TMPRSS15: variants seen among roughly 807,000 people sequenced by gnomAD.
TMPRSS15 encodes transmembrane serine protease 15, also known as enteropeptidase.
TMPRSS15 carries 128 observed loss-of-function variants against 125.3 expected under a neutral mutation model. That is an observed-to-expected ratio of 1.02 (90% confidence interval 0.89 to 1.18). TMPRSS15 has a LOEUF of 1.18. Ranked by LOEUF, TMPRSS15 falls within the 50% of genes most tolerant of loss-of-function variation. The probability of loss-of-function intolerance (pLI) is 0.00; values close to 1 mark genes in which losing one functional copy is unlikely to be tolerated. For synonymous variants in TMPRSS15, 446 were observed against 423.2 expected (o/e 1.05, Z -0.66); for missense variants, 1,283 against 1,212.7 (o/e 1.06, Z -0.86).
At chr21:18,306,391 A>G (rs2075039695) in intron 18 of TMPRSS15, among the ~76,000 whole-genome samples, 2 of 152,176 alleles carry the variant, frequency 1.3e-5, no homozygotes, top group African/African-American at 4.8e-5. Flanking sequence ...ATGTTTTTGA[A>G]AGGCTTATTG....
intron 1 of TMPRSS15, among the ~76,000 whole-genome samples, chr21:18,449,858 AACACACACACACACACACGCACACAC>A (rs1464556423): frequency 4.9e-5 from 4 of 81,420 alleles, no homozygotes; most frequent in Non-Finnish European, 7.6e-5. Flanking sequence ...CTTTCCCTCA[AACACACACACACACACACGCACACAC>A]ACACACACAC....
At chr21:18,407,448 CTTTTTT>C (rs201740388), upstream of TMPRSS15, among the ~76,000 whole-genome samples, 10 of 133,198 alleles carry the variant, frequency 7.5e-5, no homozygotes, top group Admixed American at 1.5e-4. Context: ...TTTTTCTTTT[CTTTTTT>C]TTTTTTTTTT....
chr21:18,431,363 A>G (rs2076216194), intron 1 of TMPRSS15, among the ~76,000 whole-genome samples: 1 of 152,102 alleles, frequency 6.6e-6, no homozygotes, highest in South Asian at 2.1e-4. Context: ...ATGGTCTCAC[A>G]TTGACCATAT....
chr21:18,403,486 G>T lies in TMPRSS15; in HGVS notation c.137C>A (p.Ser46Tyr). 6.2e-7 allele frequency: 1 copy of T among 1,614,144 alleles called. No individual in the cohort carries two copies. Among genetic ancestry groups the T allele is most frequent in the African/African-American group, 1.3e-5 (1 of 75,040 alleles). Residue 46 changes from serine (S) to tyrosine (Y), a missense_variant, in exon 1 of 25, where the codon TCC (serine) becomes TAC (tyrosine). Coordinates refer to ENST00000284885, the MANE Select transcript of TMPRSS15 (RefSeq NM_002772.3). ...IAVSCLTIKE[S>Y]QRGAALGQSH... ...AACTCCATGTGACTTACCTCGTTGGGATTCCTTGATTGTCAGGCAGGATAC... is the reference window on the plus strand; with the variant it reads ...AACTCCATGTGACTTACCTCGTTGGTATTCCTTGATTGTCAGGCAGGATAC...
At chr21:18,344,419 C>G in intron 10 of TMPRSS15, among the ~76,000 whole-genome samples, 1 of 152,232 alleles carries the variant, frequency 6.6e-6, no homozygotes, top group African/African-American at 2.4e-5. Context: ...ATGAGGATAT[C>G]TAGAGATGCT....
intron 23 of TMPRSS15, among the ~76,000 whole-genome samples, chr21:18,277,061 C>G (rs768017594): frequency 1.3e-5 from 2 of 151,958 alleles, no homozygotes; most frequent in African/African-American, 4.8e-5. Flanking sequence ...CCACCGCACC[C>G]GGCCAGAAAA....
chr21:18,316,011 T>G (rs2075163007), intron 16 of TMPRSS15, among the ~76,000 whole-genome samples: 1 of 102,092 alleles, frequency 9.8e-6, no homozygotes, highest in Non-Finnish European at 1.9e-5. Flanking sequence ...CCCTAGAACT[T>G]AAAGTATAAT....
At chr21:18,332,033 A>G (rs1398103170) in intron 14 of TMPRSS15, 51 bp downstream of exon 14, 6 of 1,514,684 alleles carry the variant, frequency 4.0e-6, no homozygotes, top group African/African-American at 2.8e-5. Flanking sequence ...GGGGAGATCT[A>G]CATTTCATAT....
intron 16 of TMPRSS15, among the ~76,000 whole-genome samples, chr21:18,316,798 A>G (rs1168817071): frequency 6.6e-6 from 1 of 152,152 alleles, no homozygotes; most frequent in East Asian, 1.9e-4. Context: ...GAGAGCCCTC[A>G]TATCACTGGG....
chr21:18,463,193 C>T lies in TMPRSS15; in HGVS notation c.10+22606G>A, dbSNP rs2122953686. Among the ~76,000 whole-genome samples the T allele has an allele frequency of 3.3e-5, 4 of 122,510 alleles. No homozygotes were observed. In the East Asian group the frequency reaches 7.2e-4, roughly 22 times the overall value. The allele number at this position is 122,510 out of a possible 152,430, so 80.4% of individuals were successfully genotyped here. Reference sequence around the variant, plus strand: ...GAGACCCATTTCACGTGCAAAAACACGCATAGGCTCAAAATAAAGGGATGG... The same window carrying T: ...GAGACCCATTTCACGTGCAAAAACATGCATAGGCTCAAAATAAAGGGATGG... On this transcript the variant is annotated intron_variant, in intron 1 of 7. Transcript: ENST00000422787.
At chr21:18,359,142 G>T (rs968569285) in intron 8 of TMPRSS15, among the ~76,000 whole-genome samples, 2 of 151,914 alleles carry the variant, frequency 1.3e-5, no homozygotes, top group African/African-American at 4.8e-5. Flanking sequence ...TGCATTTTGG[G>T]GCCCGGTGGA....
At chr21:18,470,578 T>C (rs1434424276) in intron 1 of TMPRSS15, among the ~76,000 whole-genome samples, 1 of 152,116 alleles carries the variant, frequency 6.6e-6, no homozygotes, top group Non-Finnish European at 1.5e-5. Flanking sequence ...AATTTATTTT[T>C]CAAAATTATG....
At chr21:18,343,187 G>A (rs910617562) in intron 12 of TMPRSS15, among the ~76,000 whole-genome samples, 3 of 152,120 alleles carry the variant, frequency 2.0e-5, no homozygotes, top group African/African-American at 7.2e-5. Flanking sequence ...GTAGGCAGAG[G>A]GCTTAGAGAT....
intron 21 of TMPRSS15, among the ~76,000 whole-genome samples, chr21:18,283,405 A>C (rs965720654): frequency 3.3e-5 from 5 of 152,010 alleles, no homozygotes; most frequent in African/African-American, 1.2e-4. Context: ...TTCACTCAAT[A>C]TTTACAAAAA....
intron 19 of TMPRSS15, among the ~76,000 whole-genome samples, chr21:18,296,431 C>A (rs953297144): frequency 1.3e-5 from 2 of 152,122 alleles, no homozygotes; most frequent in African/African-American, 4.8e-5. Context: ...GGATTAAGGA[C>A]ATTTAATTAA....
chr21:18,430,940 C>T (rs945659758), intron 1 of TMPRSS15, among the ~76,000 whole-genome samples: 1 of 152,022 alleles, frequency 6.6e-6, no homozygotes, highest in Non-Finnish European at 1.5e-5. Context: ...TGACATTTTC[C>T]AGGCAAATGT....
chr21:18,384,272 T>C (rs1355320875), intron 3 of TMPRSS15, among the ~76,000 whole-genome samples: 3 of 152,188 alleles, frequency 2.0e-5, no homozygotes, highest in South Asian at 2.1e-4. Flanking sequence ...AACTAATCTA[T>C]ATCTCCCTCT....
At chr21:18,343,052 G>T (rs1159641785) in intron 12 of TMPRSS15, among the ~76,000 whole-genome samples, 2 of 152,130 alleles carry the variant, frequency 1.3e-5, no homozygotes, top group African/African-American at 4.8e-5. Context: ...CATATAATTT[G>T]TTTCTAAAGG....
intron 1 of TMPRSS15, among the ~76,000 whole-genome samples, chr21:18,441,906 G>A (rs142797089): frequency 0.039 from 5,971 of 152,012 alleles, 257 homozygotes; most frequent in African/African-American, 0.11. Context: ...GGCCAGGCTA[G>A]TCTTGAACTC....
Sources: allele counts gnomAD v4.1 joint callset (sites outside exome capture counted in the v4.1 genomes callset), GRCh38; gene constraint gnomAD v4.1.1; transcripts MANE v1.5; gene names NCBI Gene and HGNC (gene_info 2026-07-23, HGNC 2026-07-21).